The following ANKRD46 variants were observed in gnomAD, a reference collection of about 807,000 sequenced individuals.
ANKRD46 encodes the protein ankyrin repeat domain 46, also known as ankyrin repeat domain-containing protein 46.
ANKRD46 carries 13 observed loss-of-function variants against 19.8 expected under a neutral mutation model. The observed-to-expected ratio is 0.66, with a 90% CI of 0.43 to 1.04. The LOEUF is 1.04. ANKRD46 is among the 50% of genes least tolerant of loss of function. The pLI is 0.00. For synonymous variants in ANKRD46, 91 were observed against 106.9 expected (o/e 0.85, Z 0.92); for missense variants, 185 against 274.8 (o/e 0.67, Z 2.31).
Position 100,525,212 on chromosome 8 carries a change from T to C in ANKRD46, c.471-2441A>G, listed in dbSNP as rs1811819218. Among the ~76,000 whole-genome samples the C allele has an allele frequency of 6.6e-6, 1 of 152,220 alleles. No individual in the cohort carries two copies. The highest frequency in any genetic ancestry group is 1.5e-5 in the Non-Finnish European group (1 of 68,040). On this transcript the variant is annotated intron_variant, in intron 4 of 4. Transcript: ENST00000335659. This position sits in a 1 kb window ranked among gnomAD's most constrained non-coding sequence, Gnocchi z 4.4. ...ATTACACAATTATGCCATAATGCCA[T>C]GTGCTAGCCAATCTCTTTAAACTTT... is the stretch of plus-strand genomic sequence containing the variant.
In ANKRD46 at chr8:100,527,754, A is replaced by T; in HGVS notation, c.470+91T>A. 7.2e-7 allele frequency: 1 copy of T among 1,389,626 alleles called. No homozygotes were observed. The highest frequency in any genetic ancestry group is 9.7e-7 in the Non-Finnish European group (1 of 1,033,236). 86.1% of individuals were successfully genotyped at this position (1,389,626 alleles called of 1,614,324 possible). On this transcript the variant is annotated intron_variant, in intron 4 of 4. Transcript: ENST00000335659. The surrounding 1 kb of genome is among the most constrained non-coding windows in gnomAD (Gnocchi z 4.0). ...GCTACATGTGCCTATAGTCCCAGCT[A>T]GTCAGGAGGCTGAGGCAGGAAGAAT...
Position 100,510,323 on chromosome 8 carries a change from T to C in ANKRD46, c.*254A>G, listed in dbSNP as rs1563921833. On this transcript the variant is annotated 3_prime_UTR_variant, in exon 6 of 6. Transcript: ENST00000520552. This position sits in a 1 kb window ranked among gnomAD's most constrained non-coding sequence, Gnocchi z 4.9. Reference sequence around the variant, plus strand: ...CATCCTGCCCGGGCGGAGGAGGGGATGGTTCCTGGAGCTCCATCTTGAGGA... The same window carrying C: ...CATCCTGCCCGGGCGGAGGAGGGGACGGTTCCTGGAGCTCCATCTTGAGGA... 3 of 406,798 alleles carry C rather than the reference T, an allele frequency of 7.4e-6. No homozygotes were observed. The highest frequency in any genetic ancestry group is 9.3e-5 in the South Asian group (1 of 10,730). The allele number at this position is 406,798 out of a possible 1,614,324, so 25.2% of individuals were successfully genotyped here. A position where few individuals can be genotyped will look rare whatever the true frequency, so the allele number is the denominator to read the frequency against.
chr8:100,512,043 A>C (rs1417008915), intron 5 of ANKRD46, among the ~76,000 whole-genome samples: 1 of 152,168 alleles, frequency 6.6e-6, no homozygotes, highest in Non-Finnish European at 1.5e-5. Context: ...GAACAAAAAG[A>C]CAATAAAGAA....
downstream of ANKRD46, among the ~76,000 whole-genome samples, chr8:100,520,097 G>A (rs1035546783): frequency 3.3e-5 from 5 of 152,252 alleles, no homozygotes; most frequent in East Asian, 7.7e-4. Flanking sequence ...AACTGAGTGT[G>A]GTAAGTGGTG....
chr8:100,530,031 C>T lies in ANKRD46; in HGVS notation c.-27-171G>A, dbSNP rs72679758. On this transcript the variant is annotated intron_variant, in intron 2 of 4. Coordinates refer to ENST00000335659, the MANE Select transcript of ANKRD46 (RefSeq NM_001270377.2). Reference sequence around the variant, plus strand: ...AATTGTATTTTATTTTCCATTAAAACATTTTATTTTCTTCACATCTGCTGG... The same window carrying T: ...AATTGTATTTTATTTTCCATTAAAATATTTTATTTTCTTCACATCTGCTGG... Among the ~76,000 whole-genome samples the T allele has an allele frequency of 1.4e-3, 214 of 152,294 alleles. 2 individuals are homozygous for T. Among genetic ancestry groups the T allele is most frequent in the Non-Finnish European group, 2.2e-3 (149 of 68,006 alleles).
rs1812469098 is a variant in ANKRD46, at chr8:100,555,209, T to C, written c.-131+4502A>G. On this transcript the variant is annotated intron_variant, in intron 1 of 4. Transcript: ENST00000335659. ...GAAAAAACCTTCAGTAGAATGGTACTAGTATGACAAATTCAATATTATAGT... is the reference window on the plus strand; with the variant it reads ...GAAAAAACCTTCAGTAGAATGGTACCAGTATGACAAATTCAATATTATAGT... Among the ~76,000 whole-genome samples the C allele has an allele frequency of 2.0e-5, 3 of 152,010 alleles. No homozygotes were observed. In the South Asian group the frequency reaches 6.2e-4, roughly 32 times the overall value.
rs1812266772 is a variant in ANKRD46 at position 100,546,035 on chromosome 8, T to G, written c.-130-12724A>C. On this transcript the variant is annotated intron_variant, in intron 1 of 4. Transcript: ENST00000335659. This position sits in a 1 kb window ranked among gnomAD's most constrained non-coding sequence, Gnocchi z 4.0. ...GTGAACAAATGTGTTCACGAAGAGA[T>G]AATCTGCAATTGGAACTTCTGTTTA... 6.6e-6 allele frequency among the ~76,000 whole-genome samples: 1 copy of G among 152,242 alleles called. No individual in the cohort carries two copies. The highest frequency in any genetic ancestry group is 6.5e-5 in the Admixed American group (1 of 15,284).
chr8:100,541,348 C>T (rs536146327), intron 1 of ANKRD46, among the ~76,000 whole-genome samples: 25 of 151,980 alleles, frequency 1.6e-4, no homozygotes, highest in Admixed American at 3.3e-4. Flanking sequence ...AAATAGTCTA[C>T]AAAATTTAAA....
downstream of ANKRD46, among the ~76,000 whole-genome samples, chr8:100,517,090 A>G (rs533997601): frequency 3.3e-5 from 5 of 152,282 alleles, no homozygotes; most frequent in Non-Finnish European, 2.9e-5. Context: ...AGCATTTGTG[A>G]AGATTGAGTT....
At chr8:100,522,845 C>A (rs1187351855) in intron 4 of ANKRD46, 74 bp from the exon 5 acceptor site, 12 of 1,151,522 alleles carry the variant, frequency 1.0e-5, no homozygotes, top group Non-Finnish European at 1.0e-5. Flanking sequence ...CACAGGGCTA[C>A]TATTTAGAAA....
In ANKRD46 at chr8:100,511,114, AAC is replaced by A. The variant is rs1005030615; in HGVS notation, c.637-477_637-476del. ...TTATTGAGAGCTGCTGTGCACCAAC[AAC>A]AGTGTTGAGCGGCTTACACATCGCA... is the stretch of plus-strand genomic sequence containing the variant. On this transcript the variant is annotated intron_variant, in intron 5 of 5. Transcript: ENST00000520552. This position sits in a 1 kb window ranked among gnomAD's most constrained non-coding sequence, Gnocchi z 4.1. Among the ~76,000 whole-genome samples the A allele has an allele frequency of 2.6e-5, 4 of 152,184 alleles. No homozygotes were observed. Among genetic ancestry groups the A allele is most frequent in the African/African-American group, 7.2e-5 (3 of 41,454 alleles).
In ANKRD46 at chr8:100,534,702, T is replaced by C. The variant is rs1442854234; in HGVS notation, c.-130-1391A>G. 6.6e-6 allele frequency among the ~76,000 whole-genome samples: 1 copy of C among 152,244 alleles called. No homozygotes were observed. Among genetic ancestry groups the C allele is most frequent in the Non-Finnish European group, 1.5e-5 (1 of 68,046 alleles). ...CATCTAGAGATGGAATTATAGTTCA[T>C]ATGGTCATGCCCCCAAATAATCCTA... On this transcript the variant is annotated intron_variant, in intron 1 of 4. Transcript: ENST00000335659. The surrounding 1 kb of genome is among the most constrained non-coding windows in gnomAD (Gnocchi z 4.2).
chr8:100,516,294 C>T (rs1811629480), downstream of ANKRD46, among the ~76,000 whole-genome samples: 1 of 152,116 alleles, frequency 6.6e-6, no homozygotes, highest in Non-Finnish European at 1.5e-5. Flanking sequence ...GAACATAAAT[C>T]CTTTTTTGGA....
In ANKRD46 at chr8:100,543,695, G is replaced by C. The variant is rs1236917505; in HGVS notation, c.-130-10384C>G. ...GATTTGGGGAAATGAACTATAATAT[G>C]AAATGTTATATCTTAAACTGTAGAG... On this transcript the variant is annotated intron_variant, in intron 1 of 4. Coordinates refer to ENST00000335659, the MANE Select transcript of ANKRD46 (RefSeq NM_001270377.2). This position sits in a 1 kb window ranked among gnomAD's most constrained non-coding sequence, Gnocchi z 4.2. Among the ~76,000 whole-genome samples, 1 of 152,098 alleles carries C rather than the reference G, an allele frequency of 6.6e-6. No homozygotes were observed. The highest frequency in any genetic ancestry group is 2.4e-5 in the African/African-American group (1 of 41,416).
In ANKRD46 at chr8:100,550,753, C is replaced by G; in HGVS notation, c.-131+8958G>C. 2.3e-6 allele frequency: 1 copy of G among 442,368 alleles called. No individual in the cohort carries two copies. The highest frequency in any genetic ancestry group is 4.4e-6 in the Non-Finnish European group (1 of 226,552). The allele number at this position is 442,368 out of a possible 1,614,324, so 27.4% of individuals were successfully genotyped here. On this transcript the variant is annotated intron_variant, in intron 1 of 4. Coordinates refer to ENST00000335659, the MANE Select transcript of ANKRD46 (RefSeq NM_001270377.2). This position sits in a 1 kb window ranked among gnomAD's most constrained non-coding sequence, Gnocchi z 4.4. ...TCCTTGGAGGCCATATGGGCCACCA[C>G]CCTGTTGCTGTAGCCAAATTCACTG...
downstream of ANKRD46, among the ~76,000 whole-genome samples, chr8:100,516,100 G>A (rs764200248): frequency 1.1e-4 from 16 of 152,082 alleles, no homozygotes; most frequent in Non-Finnish European, 2.1e-4. Flanking sequence ...TCGAACTCTC[G>A]ACCTCAGGTG....
At position 100,520,907 on chromosome 8, in the gene ANKRD46, G is replaced by C. The variant is rs1371387272; in HGVS notation, c.*1648C>G. On this transcript the variant is annotated 3_prime_UTR_variant, in exon 5 of 5. Coordinates refer to ENST00000335659, the MANE Select transcript of ANKRD46 (RefSeq NM_001270377.2). ...ATATACTTACATTTTGACCAATTTT[G>C]CATATTTGTTTAGATTTACAAACAA... is the stretch of plus-strand genomic sequence containing the variant. 6.1e-6 allele frequency: 6 copies of C among 984,334 alleles called. No homozygotes were observed. Among genetic ancestry groups the C allele is most frequent in the Non-Finnish European group, 7.2e-6 (6 of 829,210 alleles). 61.0% of individuals were successfully genotyped at this position (984,334 alleles called of 1,614,324 possible).
In ANKRD46 at chr8:100,520,985, T is replaced by G. The variant is rs748377621; in HGVS notation, c.*1570A>C. ...CTGAATATACTTCAAATTTGAATTG[T>G]AGTGTTCTCCATTCCAAAGCCAGCT... On this transcript the variant is annotated 3_prime_UTR_variant, in exon 5 of 5. Coordinates refer to ENST00000335659, the MANE Select transcript of ANKRD46 (RefSeq NM_001270377.2). The G allele has an allele frequency of 2.4e-5, 24 of 985,064 alleles. No homozygotes were observed. In the African/African-American group the frequency reaches 4.2e-4, roughly 17 times the overall value. The allele number at this position is 985,064 out of a possible 1,614,324, so 61.0% of individuals were successfully genotyped here. A position where few individuals can be genotyped will look rare whatever the true frequency, so the allele number is the denominator to read the frequency against.
In ANKRD46 at chr8:100,527,733, C is replaced by T; in HGVS notation, c.470+112G>A. 1 of 1,140,188 alleles carries T rather than the reference C, an allele frequency of 8.8e-7. No individual in the cohort carries two copies. Among genetic ancestry groups the T allele is most frequent in the Non-Finnish European group, 1.2e-6 (1 of 824,374 alleles). 70.6% of individuals were successfully genotyped at this position (1,140,188 alleles called of 1,614,324 possible). A position where few individuals can be genotyped will look rare whatever the true frequency, so the allele number is the denominator to read the frequency against. ...CGTATTATCTTGCTGGGTGTGGCTA[C>T]ATGTGCCTATAGTCCCAGCTAGTCA... On this transcript the variant is annotated intron_variant, in intron 4 of 4. Coordinates refer to ENST00000335659, the MANE Select transcript of ANKRD46 (RefSeq NM_001270377.2). The surrounding 1 kb of genome is among the most constrained non-coding windows in gnomAD (Gnocchi z 4.0).
Sources: allele counts gnomAD v4.1 joint callset (sites outside exome capture counted in the v4.1 genomes callset), GRCh38; gene constraint gnomAD v4.1.1; non-coding constraint Gnocchi (gnomAD v3.1); transcripts MANE v1.5; gene names NCBI Gene and HGNC (gene_info 2026-07-23, HGNC 2026-07-21).